Variants in CDH13 observed in about 807,000 individuals in gnomAD.
CDH13 encodes the protein cadherin 13.
In CDH13, 24 loss-of-function variants were observed where a neutral mutation model predicts 63.8. That is an observed-to-expected ratio of 0.38 (90% CI 0.27 to 0.53). The LOEUF (loss-of-function observed/expected upper bound fraction) is 0.53. CDH13 is among the 20% of genes least tolerant of loss of function. CDH13 has a pLI of 0.85. For synonymous variants in CDH13, 503 were observed against 355.3 expected (o/e 1.42, Z -4.67); for missense variants, 1,049 against 903.1 (o/e 1.16, Z -2.07).
intron 2 of CDH13, among the ~76,000 whole-genome samples, chr16:82,875,691 C>T (rs1372712278): frequency 6.6e-6 from 1 of 152,144 alleles, no homozygotes; most frequent in African/African-American, 2.4e-5. Flanking sequence ...AAGATTTTAT[C>T]TATCTCAACA....
At chr16:83,406,563 C>T (rs1300328042) in intron 6 of CDH13, among the ~76,000 whole-genome samples, 1 of 152,012 alleles carries the variant, frequency 6.6e-6, no homozygotes, top group African/African-American at 2.4e-5. Context: ...TCCTGGGTTC[C>T]AGCGATTCTC....
chr16:82,864,786 C>G (rs1236866478), intron 2 of CDH13, among the ~76,000 whole-genome samples: 1 of 152,144 alleles, frequency 6.6e-6, no homozygotes, highest in Non-Finnish European at 1.5e-5. Flanking sequence ...CTCAACAGTT[C>G]CCGAAAGTCT....
intron 3 of CDH13, among the ~76,000 whole-genome samples, chr16:83,042,478 C>G: frequency 6.6e-6 from 1 of 152,098 alleles, no homozygotes; most frequent in Non-Finnish European, 1.5e-5. Context: ...GGAAAACAAG[C>G]TGAGGGCTCC....
At chr16:82,842,147 T>TATATATACATAC (rs2039057529) in intron 1 of CDH13, among the ~76,000 whole-genome samples, 1 of 21,422 alleles carries the variant, frequency 4.7e-5, no homozygotes, top group African/African-American at 1.2e-4. Context: ...TACACATATA[T>TATATATACATAC]ATATATATAT....
At chr16:82,824,490 A>G (rs2151100705) in intron 1 of CDH13, 1 of 152,354 alleles carries the variant, frequency 6.6e-6, no homozygotes, top group African/African-American at 2.4e-5. Context: ...AACCATCAAT[A>G]AAAAGAAAGA....
At chr16:82,752,178 A>T (rs180827442) in intron 1 of CDH13, among the ~76,000 whole-genome samples, 186 of 152,336 alleles carry the variant, frequency 1.2e-3, no homozygotes, top group Middle Eastern at 6.8e-3. Context: ...TTTCCACCAA[A>T]TTCTCTTCTC....
chr16:82,997,197 GTGA>G (rs1912342626), intron 2 of CDH13, among the ~76,000 whole-genome samples: 1 of 151,788 alleles, frequency 6.6e-6, no homozygotes, highest in African/African-American at 2.4e-5. Context: ...GTTGATGGTA[GTGA>G]TGATGATAAT....
intron 7 of CDH13, among the ~76,000 whole-genome samples, chr16:83,567,584 T>C (rs1182907364): frequency 6.6e-6 from 1 of 152,096 alleles, no homozygotes; most frequent in African/African-American, 2.4e-5. Flanking sequence ...TCTTTGTTCG[T>C]CTGTTGTTTT....
intron 1 of CDH13, among the ~76,000 whole-genome samples, chr16:82,671,544 T>A (rs1026080872): frequency 6.6e-6 from 1 of 152,220 alleles, no homozygotes; most frequent in African/African-American, 2.4e-5. Context: ...CAGATCAATT[T>A]TTAAAACAAA....
chr16:83,532,958 G>A (rs991278860), intron 7 of CDH13, among the ~76,000 whole-genome samples: 2 of 152,222 alleles, frequency 1.3e-5, no homozygotes, highest in Admixed American at 6.5e-5. Context: ...GCCACCAGCT[G>A]TTTCTAACAC....
intron 7 of CDH13, among the ~76,000 whole-genome samples, chr16:83,583,419 T>A (rs1236617464): frequency 6.6e-6 from 1 of 152,216 alleles, no homozygotes; most frequent in Non-Finnish European, 1.5e-5. Flanking sequence ...GTTCCTTTGA[T>A]TTTAAAGCTC....
intron 1 of CDH13, among the ~76,000 whole-genome samples, chr16:82,799,194 C>T (rs976471408): frequency 1.3e-5 from 2 of 152,150 alleles, no homozygotes; most frequent in African/African-American, 2.4e-5. Context: ...AAGGGGGTGA[C>T]GTTAGATAGT....
chr16:83,271,098 A>G (rs952088301), intron 5 of CDH13, among the ~76,000 whole-genome samples: 15 of 151,974 alleles, frequency 9.9e-5, no homozygotes, highest in Non-Finnish European at 1.5e-4. Context: ...CTCAGCATAT[A>G]AAATCCTATA....
chr16:82,631,126 G>C (rs191592076), intron 1 of CDH13, among the ~76,000 whole-genome samples: 33 of 151,598 alleles, frequency 2.2e-4, no homozygotes, highest in Non-Finnish European at 4.0e-4. Context: ...CTTTCTTCTT[G>C]CTTTCTTTCT....
At chr16:83,465,900 C>G (rs1188746777) in intron 6 of CDH13, among the ~76,000 whole-genome samples, 1 of 152,228 alleles carries the variant, frequency 6.6e-6, no homozygotes, top group African/African-American at 2.4e-5. Flanking sequence ...TGGTGGTGTT[C>G]TCTTTACCCT....
intron 11 of CDH13, among the ~76,000 whole-genome samples, chr16:83,776,003 G>C (rs189925171): frequency 6.6e-6 from 1 of 152,292 alleles, no homozygotes; most frequent in East Asian, 1.9e-4. Context: ...TTTTGGATGT[G>C]ATTTTTCTCT....
chr16:82,756,464 C>T (rs887492345), intron 1 of CDH13, among the ~76,000 whole-genome samples: 1 of 152,158 alleles, frequency 6.6e-6, no homozygotes, highest in African/African-American at 2.4e-5. Flanking sequence ...CTTTAACCTG[C>T]GTGGCAACCC....
chr16:82,737,550 C>T (rs1181664169), intron 1 of CDH13, among the ~76,000 whole-genome samples: 1 of 152,218 alleles, frequency 6.6e-6, no homozygotes, highest in Non-Finnish European at 1.5e-5. Flanking sequence ...CCCCAACGGT[C>T]TTGCATTTCA....
At chr16:83,288,008 C>T (rs909647617) in intron 5 of CDH13, among the ~76,000 whole-genome samples, 24 of 152,200 alleles carry the variant, frequency 1.6e-4, no homozygotes, top group African/African-American at 5.1e-4. Flanking sequence ...TGATTTCTTT[C>T]GTTTGACTCA....
Sources: gnomAD v4.1 joint callset for allele counts (sites outside exome capture counted in the v4.1 genomes callset) on GRCh38, gnomAD v4.1.1 for gene constraint, MANE v1.5 for transcripts, NCBI Gene and HGNC (gene_info 2026-07-23, HGNC 2026-07-21) for gene names.